Variants in CPSF4 observed in about 807,000 individuals in gnomAD.
The protein encoded by CPSF4 is cleavage and polyadenylation specific factor 4, also known as cleavage and polyadenylation specificity factor subunit 4.
CPSF4 carries 11 observed loss-of-function variants against 37.7 expected under a neutral mutation model. That is an observed-to-expected ratio of 0.29 (90% CI 0.18 to 0.48). The LOEUF (loss-of-function observed/expected upper bound fraction) is 0.48, where lower values mean the gene tolerates loss of function less well. Ranked by LOEUF, CPSF4 falls within the 20% of genes least tolerant of loss-of-function variation. The probability of loss-of-function intolerance (pLI) is 0.99; values close to 1 mark genes in which losing one functional copy is unlikely to be tolerated. For synonymous variants in CPSF4, 132 were observed against 135.9 expected, an observed-to-expected ratio of 0.97 and a Z score of 0.20; for missense variants, 144 against 359.5, an observed-to-expected ratio of 0.40 and a Z score of 4.85.
At chr7:99,441,267 G>C in intron 1 of CPSF4, 1 of 379,348 alleles carries the variant, frequency 2.6e-6, no homozygotes, top group Non-Finnish European at 5.3e-6. Flanking sequence ...TTCCTGTCTT[G>C]ATGGCACTAG....
Position 99,439,025 on chromosome 7 carries a change from G to C in CPSF4, c.-58G>C. On this transcript the variant is annotated 5_prime_UTR_variant, in exon 1 of 8. Transcript: ENST00000292476. ...GCGGCGGGGCCGGCGGCGGGTAAAG[G>C]CGAGAAGGCTGCAGGAGACCGAGGG... 6.6e-7 allele frequency: 1 copy of C among 1,520,498 alleles called. No individual in the cohort carries two copies. Among genetic ancestry groups the C allele is most frequent in the Non-Finnish European group, 8.9e-7 (1 of 1,128,104 alleles). The allele number at this position is 1,520,498 out of a possible 1,614,324, so 94.2% of individuals were successfully genotyped here.
intron 2 of CPSF4, among the ~76,000 whole-genome samples, chr7:99,446,771 CTTTTTTTTTTTTTT>C (rs762892785): frequency 1.5e-3 from 43 of 29,124 alleles, no homozygotes; most frequent in African/African-American, 7.0e-3. Flanking sequence ...CCATACCCAG[CTTTTTTTTTTTTTT>C]TTTTTTTTTT....
At chr7:99,439,990 T>G (rs1796746253) in intron 1 of CPSF4, among the ~76,000 whole-genome samples, 1 of 152,178 alleles carries the variant, frequency 6.6e-6, no homozygotes, top group South Asian at 2.1e-4. Context: ...GCTCCTGGCT[T>G]CCCACCTCCT....
At chr7:99,440,674 A>ATATTTTTGTATTTTTTTTTTT in intron 1 of CPSF4, among the ~76,000 whole-genome samples, 1 of 88,130 alleles carries the variant, frequency 1.1e-5, no homozygotes, top group African/African-American at 9.7e-5. Flanking sequence ...ATATATATAT[A>ATATTTTTGTATTTTTTTTTTT]TTTTTTTTTT....
At chr7:99,450,434 C>A in intron 4 of CPSF4, 63 bp downstream of exon 4, 2 of 1,199,652 alleles carry the variant, frequency 1.7e-6, no homozygotes, top group Non-Finnish European at 2.4e-6. Flanking sequence ...TGCCCACGAC[C>A]CTGGAGGCTG....
At chr7:99,446,237 C>T (rs1192082546) in intron 2 of CPSF4, among the ~76,000 whole-genome samples, 2 of 152,226 alleles carry the variant, frequency 1.3e-5, no homozygotes, top group Admixed American at 6.5e-5. Flanking sequence ...CAGCCACCTT[C>T]TGTTAGCACA....
intron 7 of CPSF4, among the ~76,000 whole-genome samples, chr7:99,454,647 A>G (rs1378961857): frequency 2.0e-5 from 3 of 152,172 alleles, no homozygotes; most frequent in African/African-American, 7.2e-5. Context: ...AAGCGGGGAA[A>G]GGGGAGGAAA....
chr7:99,450,898 T>C, intron 5 of CPSF4, 103 bp downstream of exon 5: 1 of 810,150 alleles, frequency 1.2e-6, no homozygotes, highest in Non-Finnish European at 2.1e-6. Context: ...CTGGGTGATG[T>C]CAGTACCAGG....
At position 99,446,771 on chromosome 7, in the gene CPSF4, C is replaced by CTTTTTTT. The variant is rs762892785; in HGVS notation, c.155-1319_155-1313dup. On this transcript the variant is annotated intron_variant, in intron 2 of 7. Transcript: ENST00000292476. ...TACAGGTGTACACCACCATACCCAGCTTTTTTTTTTTTTTTTTTTTTTTTT... is the reference window on the plus strand; with the variant it reads ...TACAGGTGTACACCACCATACCCAGCTTTTTTTTTTTTTTTTTTTTTTTTTTTTTTTT... 8.2e-4 allele frequency among the ~76,000 whole-genome samples: 24 copies of CTTTTTTT among 29,124 alleles called. 10 individuals are homozygous for CTTTTTTT. Among genetic ancestry groups the CTTTTTTT allele is most frequent in the African/African-American group, 4.5e-3 (20 of 4,438 alleles). The allele number at this position is 29,124 out of a possible 152,430, so 19.1% of individuals were successfully genotyped here.
intron 1 of CPSF4, chr7:99,439,511 T>G: frequency 7.3e-6 from 2 of 273,952 alleles, no homozygotes; most frequent in East Asian, 6.9e-5. Context: ...AGGCCCCCAT[T>G]TCCACCGTCT....
intron 1 of CPSF4, among the ~76,000 whole-genome samples, chr7:99,440,674 A>ATATATATATATATATATATATTTTT: frequency 2.3e-5 from 2 of 88,078 alleles, no homozygotes; most frequent in African/African-American, 1.9e-4. Context: ...ATATATATAT[A>ATATATATATATATATATATATTTTT]TTTTTTTTTT....
At chr7:99,452,967 C>A (rs1798041698) in intron 6 of CPSF4, 2 of 153,462 alleles carry the variant, frequency 1.3e-5, no homozygotes, top group African/African-American at 4.8e-5. Flanking sequence ...ACAGGCCCGG[C>A]TGGCTCCAGT....
chr7:99,450,350 G>T lies in CPSF4; in HGVS notation c.382G>T (p.Asp128Tyr). 6.2e-7 allele frequency: 1 copy of T among 1,613,384 alleles called. No homozygotes were observed. Among genetic ancestry groups the T allele is most frequent in the South Asian group, 1.1e-5 (1 of 91,024 alleles). Reference protein sequence around the residue: ...ESKIKDCPWYDRGFCKHGPLC... With the variant: ...ESKIKDCPWYYRGFCKHGPLC... ...CAAGATCAAGGACTGTCCTTGGTATGACCGTGGCTTCTGCAAGCACGGTAG... is the reference window on the plus strand; with the variant it reads ...CAAGATCAAGGACTGTCCTTGGTATTACCGTGGCTTCTGCAAGCACGGTAG... Residue 128 changes from aspartate to tyrosine, a missense_variant, in exon 4 of 8, where the codon GAC (aspartate) becomes TAC (tyrosine). This residue lies in a region of CPSF4 where 12 missense variants were observed against 100.9 expected (regional missense o/e 0.12). Transcript: ENST00000292476.
intron 5 of CPSF4, among the ~76,000 whole-genome samples, chr7:99,451,692 TG>T: frequency 1.3e-5 from 2 of 152,364 alleles, no homozygotes; most frequent in Middle Eastern, 6.8e-3. Context: ...ACCCCTCTTG[TG>T]GCTCCATTTT....
intron 2 of CPSF4, among the ~76,000 whole-genome samples, chr7:99,446,482 C>T (rs1277016387): frequency 6.6e-6 from 1 of 152,192 alleles, no homozygotes; most frequent in East Asian, 1.9e-4. Context: ...CTTGCCAGGC[C>T]ACCCGTTAGA....
intron 1 of CPSF4, chr7:99,442,938 G>T (rs1386728890): frequency 3.8e-6 from 6 of 1,576,006 alleles, no homozygotes; most frequent in Non-Finnish European, 5.2e-6. Flanking sequence ...TGTATCCTCT[G>T]TGGTTCCAGT....
At chr7:99,449,482 C>A (rs1043234394) in intron 3 of CPSF4, among the ~76,000 whole-genome samples, 8 of 152,234 alleles carry the variant, frequency 5.3e-5, no homozygotes, top group Non-Finnish European at 1.0e-4. Flanking sequence ...CACCGCTATA[C>A]AAGTGGCCTG....
rs759194963 is a variant in CPSF4 at position 99,452,350 on chromosome 7, C to G, written c.498-18C>G. On this transcript the variant is annotated intron_variant, in intron 5 of 7. Coordinates refer to ENST00000292476, the MANE Select transcript of CPSF4 (RefSeq NM_006693.4). ...ACTCCTTCTCTTGTTCTCATCCCCT[C>G]TGGCTGCTGGTGACCAGCCCTCGAT... 2.5e-6 allele frequency: 4 copies of G among 1,611,700 alleles called. No homozygotes were observed. The Admixed American group carries it at 6.7e-5, about 27-fold the overall frequency.
rs1231044279 is a variant in CPSF4 at position 99,446,945 on chromosome 7, A to G, written c.155-1176A>G. ...GCTGGGATTACAGGTGCACACCACC[A>G]CGCCCAGCTAATTTTTTGTATTTTT... On this transcript the variant is annotated intron_variant, in intron 2 of 7. Coordinates refer to ENST00000292476, the MANE Select transcript of CPSF4 (RefSeq NM_006693.4). 2.0e-5 allele frequency among the ~76,000 whole-genome samples: 3 copies of G among 150,968 alleles called. No homozygotes were observed. The East Asian group carries it at 5.9e-4, about 29-fold the overall frequency.
Sources: gnomAD v4.1 joint callset for allele counts (sites outside exome capture counted in the v4.1 genomes callset) on GRCh38, gnomAD v4.1.1 for gene constraint, gnomAD v4.1.1 regional missense constraint, MANE v1.5 for transcripts, NCBI Gene and HGNC (gene_info 2026-07-23, HGNC 2026-07-21) for gene names.